MARK4: variants seen among roughly 807,000 people sequenced by gnomAD.
The protein encoded by MARK4 is MAP/microtubule affinity-regulating kinase 4.
A neutral mutation model predicts 81.5 loss-of-function variants in MARK4; 19 were observed. The observed-to-expected ratio is 0.23, with a 90% CI of 0.16 to 0.34. MARK4 has a LOEUF of 0.34. Among genes scored for constraint, MARK4 ranks in the 10% least tolerant of loss-of-function variants. MARK4 has a pLI of 1.00. For synonymous variants in MARK4, 436 were observed against 439.0 expected (o/e 0.99, Z 0.08); for missense variants, 772 against 1,058.8 (o/e 0.73, Z 3.76).
At chr19:45,284,863 G>C (rs989566931) in intron 12 of MARK4, among the ~76,000 whole-genome samples, 2 of 152,134 alleles carry the variant, frequency 1.3e-5, no homozygotes, top group African/African-American at 4.8e-5. Context: ...GGCCGAGCTG[G>C]GTGGATCACC....
At chr19:45,273,002 C>G (rs1209887261) in intron 8 of MARK4, among the ~76,000 whole-genome samples, 2 of 152,140 alleles carry the variant, frequency 1.3e-5, no homozygotes, top group Non-Finnish European at 2.9e-5. Flanking sequence ...TCTTCCCAGA[C>G]TAACATTCCT....
chr19:45,300,344 G>A (rs1322492477), intron 16 of MARK4, among the ~76,000 whole-genome samples: 11 of 32,336 alleles, frequency 3.4e-4, no homozygotes, highest in Admixed American at 6.8e-4. Flanking sequence ...AACTCCGTCT[G>A]AAAAAAAAAA....
Position 45,294,387 on chromosome 19 carries a change from C to G in MARK4, c.1533C>G (p.Thr511=). Residue 511 remains threonine, a synonymous_variant, in exon 14 of 17, where the codon ACC becomes ACG. Coordinates refer to ENST00000262891, the MANE Select transcript of MARK4 (RefSeq NM_001199867.2). ...CTAGCATGATGACCCGCAGAAACAC[C>G]TACGTTTGCACAGAACGCCCGGGGG... ...LPPSMMTRRN[T]YVCTERPGAE... is the part of the protein sequence containing the mutation. 1.9e-6 allele frequency: 3 copies of G among 1,614,166 alleles called. No homozygotes were observed. The highest frequency in any genetic ancestry group is 2.5e-6 in the Non-Finnish European group (3 of 1,180,026).
intron 8 of MARK4, among the ~76,000 whole-genome samples, chr19:45,273,627 T>G (rs775578375): frequency 1.3e-5 from 2 of 152,204 alleles, no homozygotes; most frequent in Non-Finnish European, 2.9e-5. Context: ...TTTCATGACA[T>G]TGACATTATC....
At chr19:45,280,858 G>T (rs1970664990) in intron 12 of MARK4, 124 bp downstream of exon 12, 2 of 1,359,824 alleles carry the variant, frequency 1.5e-6, no homozygotes. Context: ...AGAGAGGGAG[G>T]AATGTCTTAT....
chr19:45,287,396 G>T, intron 12 of MARK4, 51 bp from the exon 13 acceptor site: 1 of 1,278,008 alleles, frequency 7.8e-7, no homozygotes, highest in Non-Finnish European at 1.0e-6. Flanking sequence ...CCCAGAGTCA[G>T]TTCTGGGTTT....
At position 45,303,657 on chromosome 19, in the gene MARK4, T is replaced by G. The variant is rs1338821536; in HGVS notation, c.*947T>G. 6.6e-6 allele frequency: 1 copy of G among 152,138 alleles called. No homozygotes were observed. Among genetic ancestry groups the G allele is most frequent in the African/African-American group, 2.4e-5 (1 of 41,404 alleles). The allele number at this position is 152,138 out of a possible 1,614,324, so 9.4% of individuals were successfully genotyped here. On this transcript the variant is annotated 3_prime_UTR_variant, in exon 17 of 17. Transcript: ENST00000262891. ...GCCACTTCTTACTCCAGTAGTAAAT[T>G]TATTCAATAAACAATCATTGACCCA... is the stretch of plus-strand genomic sequence containing the variant.
chr19:45,277,845 G>T (rs1035969577), intron 8 of MARK4, 78 bp from the exon 9 acceptor site: 79 of 1,293,922 alleles, frequency 6.1e-5, no homozygotes, highest in Non-Finnish European at 8.1e-5. Flanking sequence ...GTGTGTGTGT[G>T]TGTGTGTGTG....
chr19:45,276,935 A>G (rs2123064150), intron 8 of MARK4, among the ~76,000 whole-genome samples: 1 of 151,426 alleles, frequency 6.6e-6, no homozygotes, highest in African/African-American at 2.4e-5. Flanking sequence ...GCGCCCAGCC[A>G]CATTTTTACG....
intron 2 of MARK4, among the ~76,000 whole-genome samples, chr19:45,262,716 T>C (rs1007870780): frequency 3.3e-5 from 5 of 152,206 alleles, no homozygotes; most frequent in Non-Finnish European, 7.3e-5. Flanking sequence ...CCTGAGGCCC[T>C]GAGTTCCCCA....
rs1222961208 is a variant in MARK4 at position 45,266,344 on chromosome 19, C to T, written c.549+63C>T. On this transcript the variant is annotated intron_variant, in intron 7 of 16. Coordinates refer to ENST00000262891, the MANE Select transcript of MARK4 (RefSeq NM_001199867.2). ...CTCAGCCCACAGACTTCTCCCTGCC[C>T]CCACCCCTCCATGGTTTCCGTGGCC... is the stretch of plus-strand genomic sequence containing the variant. 3 of 1,516,078 alleles carry T rather than the reference C, an allele frequency of 2.0e-6. No individual in the cohort carries two copies. The East Asian group carries it at 6.8e-5, about 34-fold the overall frequency. The allele number at this position is 1,516,078 out of a possible 1,614,324, so 93.9% of individuals were successfully genotyped here.
intron 7 of MARK4, among the ~76,000 whole-genome samples, chr19:45,269,913 A>G (rs185880153): frequency 6.6e-6 from 1 of 152,010 alleles, no homozygotes; most frequent in East Asian, 1.9e-4. Context: ...GAGTACAGTG[A>G]TGCAGTTTCA....
intron 8 of MARK4, among the ~76,000 whole-genome samples, chr19:45,273,079 ATGCTGGGGGG>A (rs1970550576): frequency 6.6e-6 from 1 of 150,716 alleles, no homozygotes; most frequent in Non-Finnish European, 1.5e-5. Flanking sequence ...GGCCTGTGCT[ATGCTGGGGGG>A]AATACTGTAA....
Position 45,259,159 on chromosome 19 carries a change from G to A in MARK4, c.222G>A (p.Lys74=). Residue 74 remains lysine (K), a synonymous_variant, in exon 2 of 17, where the codon AAG becomes AAA. Coordinates refer to ENST00000262891, the MANE Select transcript of MARK4 (RefSeq NM_001199867.2). ...TIGKGNFAKV[K]LARHILTGRE... is the part of the protein sequence containing the mutation. ...GGAAGGGCAACTTTGCCAAAGTCAA[G>A]CTGGCTCGGCACATCCTCACTGGTC... is the stretch of plus-strand genomic sequence containing the variant. The A allele has an allele frequency of 6.2e-7, 1 of 1,614,194 alleles. No individual in the cohort carries two copies. The highest frequency in any genetic ancestry group is 1.3e-5 in the African/African-American group (1 of 75,072).
At chr19:45,285,208 C>T (rs1970726378) in intron 12 of MARK4, among the ~76,000 whole-genome samples, 1 of 143,388 alleles carries the variant, frequency 7.0e-6, no homozygotes, top group South Asian at 2.2e-4. Context: ...GCAATGAGTC[C>T]AGATCGTGCC....
At chr19:45,291,796 C>CA (rs1453682266) in intron 13 of MARK4, among the ~76,000 whole-genome samples, 2 of 152,132 alleles carry the variant, frequency 1.3e-5, no homozygotes, top group Non-Finnish European at 2.9e-5. Context: ...CAAAACAAAA[C>CA]AAAAAACCAC....
rs115759536 is a variant in MARK4, at chr19:45,289,460, A to G, written c.1494+1796A>G. Among the ~76,000 whole-genome samples the G allele has an allele frequency of 2.7e-4, 41 of 150,752 alleles. 1 individual carries two copies. The highest frequency in any genetic ancestry group is 1.5e-3 in the South Asian group (7 of 4,770). On this transcript the variant is annotated intron_variant, in intron 13 of 16. Transcript: ENST00000262891. ...AAAATACTTATAGTTATCCTTTACC[A>G]TAAGATTTTGCTCTTTAACAAATAA...
At chr19:45,294,534 C>G in intron 14 of MARK4, 82 bp downstream of exon 14, 1 of 1,228,578 alleles carries the variant, frequency 8.1e-7, no homozygotes, top group Non-Finnish European at 1.2e-6. Context: ...AGATGATAGG[C>G]ATTGGAGGCT....
Position 45,251,602 on chromosome 19 carries a change from C to T in MARK4, c.14C>T (p.Thr5Met), listed in dbSNP as rs776034001. The T allele has an allele frequency of 4.8e-6, 6 of 1,247,626 alleles. No homozygotes were observed. The highest frequency in any genetic ancestry group is 6.1e-6 in the Non-Finnish European group (6 of 980,540). The allele number at this position is 1,247,626 out of a possible 1,614,324, so 77.3% of individuals were successfully genotyped here. ...GACCCGGAGAAGATGTCTTCGCGGACGGTGCTGGCCCCGGGCAACGATCGG... is the reference window on the plus strand; with the variant it reads ...GACCCGGAGAAGATGTCTTCGCGGATGGTGCTGGCCCCGGGCAACGATCGG... MSSR[T>M]VLAPGNDRNS... The change falls in exon 1 of 17, where the codon ACG becomes ATG. Residue 5 changes from threonine (T) to methionine (M), a missense_variant. By Grantham distance (81) the Thr-to-Met change is moderately conservative. This residue lies in a region of MARK4 where 115 missense variants were observed against 139.8 expected (regional missense o/e 0.82). Transcript: ENST00000262891.
Sources: gnomAD v4.1 joint callset for allele counts (sites outside exome capture counted in the v4.1 genomes callset) on GRCh38, gnomAD v4.1.1 for gene constraint, gnomAD v4.1.1 regional missense constraint, MANE v1.5 for transcripts, NCBI Gene and HGNC (gene_info 2026-07-23, HGNC 2026-07-21) for gene names.